The following TACC2 variants were observed in gnomAD, a reference collection of about 807,000 sequenced individuals.
The protein encoded by TACC2 is transforming acidic coiled-coil-containing protein 2.
A neutral mutation model predicts 227.3 loss-of-function variants in TACC2; 137 were observed. The observed-to-expected ratio is 0.60, with a 90% confidence interval of 0.52 to 0.69. TACC2 has a LOEUF of 0.69. Ranked by LOEUF, TACC2 falls within the 30% of genes least tolerant of loss-of-function variation. The probability of loss-of-function intolerance (pLI) is 0.00; values close to 1 mark genes in which losing one functional copy is unlikely to be tolerated. For synonymous variants in TACC2, 1,523 were observed against 1,487.5 expected, an observed-to-expected ratio of 1.02 and a Z score of -0.55; for missense variants, 3,470 against 3,694.4, an observed-to-expected ratio of 0.94 and a Z score of 1.57.
chr10:122,025,515 C>A (rs548817250), intron 2 of TACC2, among the ~76,000 whole-genome samples: 2 of 152,166 alleles, frequency 1.3e-5, no homozygotes, highest in East Asian at 3.9e-4. Flanking sequence ...CCCACCTCAG[C>A]CTCTCAAAGT....
At chr10:122,166,583 A>G (rs1158760753) in intron 7 of TACC2, among the ~76,000 whole-genome samples, 2 of 152,186 alleles carry the variant, frequency 1.3e-5, no homozygotes, top group African/African-American at 4.8e-5. Context: ...CAGCTTCCCA[A>G]AGGGGCTTGC....
At chr10:122,163,669 A>ACGCCGGCCACAATCGGGCGCG in intron 7 of TACC2, 1 of 1,040,844 alleles carries the variant, frequency 9.6e-7, no homozygotes, top group Non-Finnish European at 1.2e-6. Context: ...AGAGCCGCGC[A>ACGCCGGCCACAATCGGGCGCG]CGCCGGCCAC....
intron 3 of TACC2, among the ~76,000 whole-genome samples, chr10:122,064,733 C>T (rs1472505481): frequency 6.6e-6 from 1 of 152,192 alleles, no homozygotes; most frequent in Non-Finnish European, 1.5e-5. Flanking sequence ...CCTTAGGCTC[C>T]ACCCATTCCC....
chr10:122,035,132 A>G (rs1959854327), intron 2 of TACC2, among the ~76,000 whole-genome samples: 1 of 152,164 alleles, frequency 6.6e-6, no homozygotes, highest in Non-Finnish European at 1.5e-5. Context: ...TTAGGGGAAG[A>G]GCACTTTGTC....
At chr10:122,157,667 C>G (rs2092574899) in intron 7 of TACC2, among the ~76,000 whole-genome samples, 1 of 152,154 alleles carries the variant, frequency 6.6e-6, no homozygotes, top group African/African-American at 2.4e-5. Context: ...TTACCTCACT[C>G]CCTCTGGCTT....
chr10:122,053,852 A>G (rs2075959270), intron 3 of TACC2, among the ~76,000 whole-genome samples: 1 of 152,190 alleles, frequency 6.6e-6, no homozygotes, highest in Admixed American at 6.5e-5. Flanking sequence ...AAAAGGTGGG[A>G]AGACGCATTG....
chr10:122,247,130 C>T, intron 19 of TACC2: 1 of 153,028 alleles, frequency 6.5e-6, no homozygotes, highest in Non-Finnish European at 1.5e-5. Flanking sequence ...GAGCTCTGAG[C>T]AGGAGTGAGG....
At chr10:122,136,847 C>G (rs572412775) in intron 6 of TACC2, among the ~76,000 whole-genome samples, 11 of 152,052 alleles carry the variant, frequency 7.2e-5, no homozygotes, top group African/African-American at 2.2e-4. Context: ...AGCCACTGAA[C>G]CCAGCAGAAT....
At chr10:122,218,280 T>C (rs2095451508) in intron 11 of TACC2, among the ~76,000 whole-genome samples, 1 of 152,196 alleles carries the variant, frequency 6.6e-6, no homozygotes, top group Non-Finnish European at 1.5e-5. Context: ...TAGAAATCAC[T>C]GTGAAGAAGA....
intron 1 of TACC2, among the ~76,000 whole-genome samples, chr10:121,994,897 C>T (rs1490133374): frequency 2.0e-5 from 3 of 152,176 alleles, no homozygotes; most frequent in Admixed American, 1.3e-4. Context: ...TTTTCTAATA[C>T]GTCACTGGTT....
intron 3 of TACC2, among the ~76,000 whole-genome samples, chr10:122,057,261 G>A (rs1163929262): frequency 2.0e-5 from 3 of 152,128 alleles, no homozygotes. Context: ...CTGAAGATAA[G>A]GGTGAGGCAC....
In TACC2 at chr10:122,050,804, A is replaced by C; in HGVS notation, c.146+254A>C. 1 of 468,602 alleles carries C rather than the reference A, an allele frequency of 2.1e-6. No individual in the cohort carries two copies. The highest frequency in any genetic ancestry group is 3.4e-5 in the South Asian group (1 of 29,828). 29.0% of individuals were successfully genotyped at this position (468,602 alleles called of 1,614,324 possible). ...AATTATAGACTTCCATTCCAGCCAC[A>C]CTCCAGAGTATCTTCATTGTCAGAA... On this transcript the variant is annotated intron_variant, in intron 3 of 22. Transcript: ENST00000369005. This position sits in a 1 kb window ranked among gnomAD's most constrained non-coding sequence, Gnocchi z 4.6.
Position 122,238,114 on chromosome 10 carries a change from G to T in TACC2, c.8348+77G>T, listed in dbSNP as rs1013301941. The stretch of plus-strand genomic sequence containing the variant: ...TTTAATAATGACCGGAGCTGGTGTG[G>T]TCCACAGAAGAGTGTCTTCTGTGGA... On this transcript the variant is annotated intron_variant, in intron 18 of 22. Coordinates refer to ENST00000369005, the MANE Select transcript of TACC2 (RefSeq NM_206862.4). 2.6e-6 allele frequency: 3 copies of T among 1,153,472 alleles called. No homozygotes were observed. In the African/African-American group the frequency reaches 4.6e-5, roughly 18 times the overall value. 71.5% of individuals were successfully genotyped at this position (1,153,472 alleles called of 1,614,324 possible).
At chr10:122,034,947 T>C (rs1389082907) in intron 2 of TACC2, among the ~76,000 whole-genome samples, 5 of 146,892 alleles carry the variant, frequency 3.4e-5, no homozygotes, top group Non-Finnish European at 6.0e-5. Context: ...AAAAAAAAAG[T>C]TTTGGAATCA....
chr10:122,182,159 T>A (rs1364708072), intron 7 of TACC2, among the ~76,000 whole-genome samples: 1 of 152,230 alleles, frequency 6.6e-6, no homozygotes, highest in Non-Finnish European at 1.5e-5. Flanking sequence ...GAAAGAACTC[T>A]GGAGAGTTTG....
rs192968218 is a variant in TACC2 at position 122,015,192 on chromosome 10, A to G, written c.-45-6745A>G. 1.5e-4 allele frequency among the ~76,000 whole-genome samples: 23 copies of G among 152,220 alleles called. No individual in the cohort carries two copies. In the East Asian group the frequency reaches 3.1e-3, roughly 20 times the overall value. On this transcript the variant is annotated intron_variant, in intron 1 of 22. Coordinates refer to ENST00000369005, the MANE Select transcript of TACC2 (RefSeq NM_206862.4). ...ATAAGTACCTAACAGAGCTTGGCACATTAAAAAAACAAAAACAAAAACTCA... is the reference window on the plus strand; with the variant it reads ...ATAAGTACCTAACAGAGCTTGGCACGTTAAAAAAACAAAAACAAAAACTCA...
rs2093949237 is a variant in TACC2 at position 122,180,786 on chromosome 10, A to T, written c.5835-14254A>T. On this transcript the variant is annotated intron_variant, in intron 7 of 22. Coordinates refer to ENST00000369005, the MANE Select transcript of TACC2 (RefSeq NM_206862.4). This position sits in a 1 kb window ranked among gnomAD's most constrained non-coding sequence, Gnocchi z 4.5. The stretch of plus-strand genomic sequence containing the variant: ...AGTCTCGCTCTGTTGCCGAGGCTGG[A>T]TGGAGTGCAATGGCGCAGTCTCGGC... Among the ~76,000 whole-genome samples, 2 of 151,702 alleles carry T rather than the reference A, an allele frequency of 1.3e-5. No homozygotes were observed.
At chr10:122,013,956 A>G (rs1354880989) in intron 1 of TACC2, among the ~76,000 whole-genome samples, 1 of 152,212 alleles carries the variant, frequency 6.6e-6, no homozygotes, top group Admixed American at 6.6e-5. Context: ...CAGCACTAAC[A>G]ATCTAAATTA....
At chr10:122,040,563 C>T (rs2074128548) in intron 2 of TACC2, among the ~76,000 whole-genome samples, 2 of 152,288 alleles carry the variant, frequency 1.3e-5, no homozygotes, top group East Asian at 3.9e-4. Context: ...CTAACCCCTC[C>T]ATTACCACTC....
Sources: allele counts gnomAD v4.1 joint callset (sites outside exome capture counted in the v4.1 genomes callset), GRCh38; gene constraint gnomAD v4.1.1; non-coding constraint Gnocchi (gnomAD v3.1); transcripts MANE v1.5; gene names NCBI Gene and HGNC (gene_info 2026-07-23, HGNC 2026-07-21).